TTN: variants seen among roughly 807,000 people sequenced by gnomAD.
TTN encodes the protein connectin.
TTN carries 1,525 observed loss-of-function variants against 3,223.0 expected under a neutral mutation model. The observed-to-expected ratio is 0.47, with a 90% CI of 0.45 to 0.49. The LOEUF (loss-of-function observed/expected upper bound fraction) is 0.49. TTN is among the 20% of genes least tolerant of loss of function. The probability of loss-of-function intolerance (pLI) is 0.00; values close to 1 mark genes in which losing one functional copy is unlikely to be tolerated. For missense variants in TTN, 40,786 were observed against 43,424.0 expected (o/e 0.94, Z 5.40); for synonymous variants, 14,094 against 15,161.0 (o/e 0.93, Z 5.17).
chr2:178,711,706 T>G (rs2076681316), intron 96 of TTN, among the ~76,000 whole-genome samples: 1 of 152,192 alleles, frequency 6.6e-6, no homozygotes, highest in Non-Finnish European at 1.5e-5. Context: ...TGGTCACTTT[T>G]TAAAAAAGAT....
In TTN at chr2:178,555,159, G is replaced by A; in HGVS notation, c.88307-7C>T. On this transcript the variant is annotated splice_polypyrimidine_tract_variant and splice_region_variant and intron_variant, in intron 330 of 362. Coordinates refer to ENST00000589042, the MANE Select transcript of TTN (RefSeq NM_001267550.2). ...AAATCAATTACAGGACCACCTGCAA[G>A]AAAAACAGATGAGAAATATTTAAAA... 1 of 1,591,820 alleles carries A rather than the reference G, an allele frequency of 6.3e-7. No homozygotes were observed. Among genetic ancestry groups the A allele is most frequent in the Non-Finnish European group, 8.5e-7 (1 of 1,173,970 alleles).
chr2:178,733,340 A>C lies in TTN; in HGVS notation c.15953T>G (p.Leu5318Arg). The change falls in exon 54 of 363, where the codon CTC becomes CGC. Residue 5318 changes from leucine (L) to arginine (R), a missense_variant. Leu to Arg is a moderately radical substitution (Grantham distance 102). Coordinates refer to ENST00000589042, the MANE Select transcript of TTN (RefSeq NM_001267550.2). The stretch of plus-strand genomic sequence containing the variant: ...GTGCAGCTCAGCTGAATAAAATTTG[A>C]GCTGGGCAACATTGTTTTTAAAACT... ...RISFKNNVAQ[L>R]KFYSAELHDS... The C allele has an allele frequency of 6.2e-7, 1 of 1,613,802 alleles. No homozygotes were observed. Among genetic ancestry groups the C allele is most frequent in the Non-Finnish European group, 8.5e-7 (1 of 1,179,786 alleles).
At chr2:178,781,363 C>T in intron 20 of TTN, 100 bp from the exon 21 acceptor site, 1 of 1,352,890 alleles carries the variant, frequency 7.4e-7, no homozygotes, top group Non-Finnish European at 1.0e-6. Flanking sequence ...GTATAAAATT[C>T]AATGACCCTA....
rs772336822 is a variant in TTN at position 178,614,987 on chromosome 2, G to A, written c.48639-19C>T. 6 of 1,577,684 alleles carry A rather than the reference G, an allele frequency of 3.8e-6. No individual in the cohort carries two copies. The highest frequency in any genetic ancestry group is 5.2e-6 in the Non-Finnish European group (6 of 1,155,614). ...TTCCATTCTGTCAGAAAACAGAATA[G>A]GATGTTTTACTGTGATGTCGATAAT... On this transcript the variant is annotated intron_variant, in intron 259 of 362. Transcript: ENST00000589042.
rs776753598 is a variant in TTN at position 178,766,521 on chromosome 2, A to G, written c.9563T>C (p.Phe3188Ser). 6.2e-7 allele frequency: 1 copy of G among 1,614,130 alleles called. No individual in the cohort carries two copies. The highest frequency in any genetic ancestry group is 8.5e-7 in the Non-Finnish European group (1 of 1,180,006). Residue 3188 changes from phenylalanine to serine, a missense_variant, in exon 41 of 363, where the codon TTC (phenylalanine) becomes TCC (serine). Coordinates refer to ENST00000589042, the MANE Select transcript of TTN (RefSeq NM_001267550.2). ...HWYKDGIEIN[F>S]QVQERHKYVV... ...ATATTTGTGTCGTTCTTGAACTTGG[A>G]AATTGATTTCAATGCCATCTTTATA... is the stretch of plus-strand genomic sequence containing the variant.
intron 297 of TTN, 40 bp from the exon 298 acceptor site, chr2:178,593,907 A>G: frequency 2.5e-6 from 4 of 1,607,800 alleles, no homozygotes; most frequent in Non-Finnish European, 3.4e-6. Flanking sequence ...TGTTATTGCC[A>G]TTTCTGCTTT....
chr2:178,553,312 A>G lies in TTN; in HGVS notation c.89588T>C (p.Phe29863Ser). ...AGEDVQVLIP[F>S]KGRPPPTVTW... ...GACAGTAGGTGGAGGTCTGCCTTTAAAGGGAATCAACACTTGTACATCTTC... is the reference window on the plus strand; with the variant it reads ...GACAGTAGGTGGAGGTCTGCCTTTAGAGGGAATCAACACTTGTACATCTTC... Residue 29863 changes from phenylalanine (F) to serine (S), a missense_variant, in exon 335 of 363, where the codon TTT (phenylalanine) becomes TCT (serine). Phe to Ser is a radical substitution (Grantham distance 155). Coordinates refer to ENST00000589042, the MANE Select transcript of TTN (RefSeq NM_001267550.2). The G allele has an allele frequency of 6.2e-7, 1 of 1,606,740 alleles. No homozygotes were observed. The highest frequency in any genetic ancestry group is 8.5e-7 in the Non-Finnish European group (1 of 1,179,698).
At position 178,561,973 on chromosome 2, in the gene TTN, A is replaced by C. The variant is rs1262760284; in HGVS notation, c.84159T>G (p.Leu28053=). The stretch of plus-strand genomic sequence containing the variant: ...TAGGACCTGGAGGTCCTGGTCTGTC[A>C]AGGACAATTATAGTAATAGGAACTG... ...SITVPITIIV[L]DRPGPPGPIR... Residue 28053 remains leucine, a synonymous_variant, in exon 326 of 363, where the codon CTT becomes CTG. Transcript: ENST00000589042. The C allele has an allele frequency of 1.9e-6, 3 of 1,613,336 alleles. No individual in the cohort carries two copies. In the East Asian group the frequency reaches 6.7e-5, roughly 36 times the overall value.
At position 178,594,410 on chromosome 2, in the gene TTN, C is replaced by A. The variant is rs878854321; in HGVS notation, c.58084G>T (p.Val19362Phe). The stretch of plus-strand genomic sequence containing the variant: ...GGTTTGCCTTGTCCAACAATGTTGA[C>A]AGCACTGACACGGTACTCATAGGTA... The part of the protein sequence containing the change: ...GDTYEYRVSA[V>F]NIVGQGKPSF... Residue 19362 changes from valine (V) to phenylalanine (F), a missense_variant, in exon 296 of 363, where the codon GTC becomes TTC. Coordinates refer to ENST00000589042, the MANE Select transcript of TTN (RefSeq NM_001267550.2). 1 of 1,607,952 alleles carries A rather than the reference C, an allele frequency of 6.2e-7. No homozygotes were observed. The highest frequency in any genetic ancestry group is 8.5e-7 in the Non-Finnish European group (1 of 1,176,602).
Position 178,593,690 on chromosome 2 carries a change from G to C in TTN, c.58610C>G (p.Thr19537Arg). ...AAGTAGTTTAGAAACTTTGCATGTTGTTTTAGCACTTGCAGATGTCACTGG... is the reference window on the plus strand; with the variant it reads ...AAGTAGTTTAGAAACTTTGCATGTTCTTTTAGCACTTGCAGATGTCACTGG... Reference protein sequence around the residue: ...WMPVTSASAKTTCKVSKLLEG... With the variant: ...WMPVTSASAKRTCKVSKLLEG... The change falls in exon 298 of 363, where the codon ACA (threonine) becomes AGA (arginine). Residue 19537 changes from threonine (T) to arginine (R), a missense_variant. By Grantham distance (71) the Thr-to-Arg change is moderately conservative. Coordinates refer to ENST00000589042, the MANE Select transcript of TTN (RefSeq NM_001267550.2). 6.2e-7 allele frequency: 1 copy of C among 1,613,304 alleles called. No homozygotes were observed. Among genetic ancestry groups the C allele is most frequent in the Non-Finnish European group, 8.5e-7 (1 of 1,179,590 alleles).
Position 178,565,642 on chromosome 2 carries a change from C to A in TTN, c.80490G>T (p.Val26830=). 1 of 1,613,562 alleles carries A rather than the reference C, an allele frequency of 6.2e-7. No homozygotes were observed. Among genetic ancestry groups the A allele is most frequent in the East Asian group, 2.2e-5 (1 of 44,838 alleles). ...QPKGTEKWSI[V]AESKVCNAVV... ...CTGCATTACAGACTTTGGATTCAGCCACAATGCTCCATTTTTCAGTTCCTT... is the reference window on the plus strand; with the variant it reads ...CTGCATTACAGACTTTGGATTCAGCAACAATGCTCCATTTTTCAGTTCCTT... The change falls in exon 326 of 363, where the codon GTG becomes GTT. Residue 26830 remains valine, a synonymous_variant. Coordinates refer to ENST00000589042, the MANE Select transcript of TTN (RefSeq NM_001267550.2).
chr2:178,733,545 C>G (rs1212891126), intron 53 of TTN, 28 bp from the exon 54 acceptor site: 2 of 1,600,112 alleles, frequency 1.2e-6, no homozygotes, highest in Non-Finnish European at 1.7e-6. Flanking sequence ...AGTTAGCACC[C>G]TAAATGCTTG....
rs2050464910 is a variant in TTN at position 178,592,616 on chromosome 2, G to A, written c.59389C>T (p.His19797Tyr). The A allele has an allele frequency of 6.2e-7, 1 of 1,613,208 alleles. No individual in the cohort carries two copies. Among genetic ancestry groups the A allele is most frequent in the African/African-American group, 1.3e-5 (1 of 74,884 alleles). The part of the protein sequence containing the change: ...ILDANMAREQ[H>Y]IKVGDTLRLS... ...CTTAGAGTATCACCAACTTTAATGTGTTGTTCTCTTGCCATGTTGGCATCA... is the reference window on the plus strand; with the variant it reads ...CTTAGAGTATCACCAACTTTAATGTATTGTTCTCTTGCCATGTTGGCATCA... The change falls in exon 301 of 363, where the codon CAC becomes TAC. Residue 19797 changes from histidine (H) to tyrosine (Y), a missense_variant. By Grantham distance (83) the His-to-Tyr change is moderately conservative. Transcript: ENST00000589042.
Position 178,751,268 on chromosome 2 carries a change from G to A in TTN, c.11311+1856C>T, listed in dbSNP as rs747399267. The A allele has an allele frequency of 1.9e-5, 30 of 1,609,446 alleles. No individual in the cohort carries two copies. Among genetic ancestry groups the A allele is most frequent in the African/African-American group, 2.7e-5 (2 of 74,564 alleles). On this transcript the variant is annotated intron_variant, in intron 47 of 362. Coordinates refer to ENST00000589042, the MANE Select transcript of TTN (RefSeq NM_001267550.2). ...AGATAATTTCTTTTTCTCCATTAAT[G>A]TTTTTCTAGCCTCCCTTAAACGTTG...
chr2:178,575,246 A>G lies in TTN; in HGVS notation c.70886T>C (p.Met23629Thr). Residue 23629 changes from methionine to threonine, a missense_variant, in exon 326 of 363, where the codon ATG (methionine) becomes ACG (threonine). Coordinates refer to ENST00000589042, the MANE Select transcript of TTN (RefSeq NM_001267550.2). This position sits in a 1 kb window ranked among gnomAD's most constrained non-coding sequence, Gnocchi z 4.0. ...SRPVIVKEQT[M>T]LPELDLRGIY... ...GCCACGGAGATCCAGCTCTGGAAGC[A>G]TTGTCTGCTCCTTGACAATGACGGG... 1 of 1,613,214 alleles carries G rather than the reference A, an allele frequency of 6.2e-7. No individual in the cohort carries two copies. Among genetic ancestry groups the G allele is most frequent in the Non-Finnish European group, 8.5e-7 (1 of 1,179,568 alleles).
At chr2:178,753,103 T>C (rs1180913829) in intron 47 of TTN, 21 bp downstream of exon 47, 2 of 1,600,082 alleles carry the variant, frequency 1.2e-6, no homozygotes, top group Non-Finnish European at 1.7e-6. Context: ...TACTTAAATC[T>C]CACATCCATT....
chr2:178,542,107 A>T lies in TTN; in HGVS notation c.97492+157T>A, dbSNP rs548981546. On this transcript the variant is annotated intron_variant, in intron 349 of 362. Transcript: ENST00000589042. The stretch of plus-strand genomic sequence containing the variant: ...AAACCTCTGAGAAAAGGAGGTTTAG[A>T]AACCTGAGAAAAGGAGGTTTAGAAA... The T allele has an allele frequency of 2.1e-4, 150 of 710,094 alleles. No individual in the cohort carries two copies. In the African/African-American group the frequency reaches 2.5e-3, roughly 12 times the overall value. The allele number at this position is 710,094 out of a possible 1,614,324, so 44.0% of individuals were successfully genotyped here.
chr2:178,574,710 C>T lies in TTN; in HGVS notation c.71422G>A (p.Gly23808Arg). 1 of 1,613,250 alleles carries T rather than the reference C, an allele frequency of 6.2e-7. No individual in the cohort carries two copies. Among genetic ancestry groups the T allele is most frequent in the Non-Finnish European group, 8.5e-7 (1 of 1,179,544 alleles). ...QFRVKAQNRYGVGPGITSACI... is the reference protein window; with the variant it reads ...QFRVKAQNRYRVGPGITSACI... ...GCTGATGTGATGCCTGGTCCAACTC[C>T]ATATCTATTCTGAGCTTTTACACGG... Residue 23808 changes from glycine (G) to arginine (R), a missense_variant, in exon 326 of 363, where the codon GGA becomes AGA. Coordinates refer to ENST00000589042, the MANE Select transcript of TTN (RefSeq NM_001267550.2).
intron 43 of TTN, among the ~76,000 whole-genome samples, chr2:178,759,690 AT>A (rs768473446): frequency 2.0e-5 from 3 of 152,198 alleles, no homozygotes; most frequent in Non-Finnish European, 4.4e-5. Flanking sequence ...TAGAAAAAAA[AT>A]CTCTATCTTT....
Sources: allele counts gnomAD v4.1 joint callset (sites outside exome capture counted in the v4.1 genomes callset), GRCh38; gene constraint gnomAD v4.1.1; non-coding constraint Gnocchi (gnomAD v3.1); transcripts MANE v1.5; gene names NCBI Gene and HGNC (gene_info 2026-07-23, HGNC 2026-07-21).